RAB7A: variants seen among roughly 807,000 people sequenced by gnomAD.
RAB7A encodes the protein RAB7A, member RAS oncogene family.
In RAB7A, 2 loss-of-function variants were observed where a neutral mutation model predicts 24.5. The ratio of observed to expected loss-of-function variants is 0.08; its 90% CI spans 0.03 to 0.26. The LOEUF is 0.26. RAB7A is among the 10% of genes least tolerant of loss of function. The pLI is 1.00. For missense variants in RAB7A, 118 were observed against 255.7 expected (o/e 0.46, Z 3.67); for synonymous variants, 100 against 95.9 (o/e 1.04, Z -0.25).
intron 3 of RAB7A, among the ~76,000 whole-genome samples, chr3:128,803,175 A>G (rs1294969766): frequency 6.6e-6 from 1 of 152,224 alleles, no homozygotes; most frequent in Non-Finnish European, 1.5e-5. Context: ...CAGAGGATTC[A>G]AGACCTGAAG....
At chr3:128,773,120 G>A (rs1255968155) in intron 1 of RAB7A, among the ~76,000 whole-genome samples, 2 of 151,504 alleles carry the variant, frequency 1.3e-5, no homozygotes, top group Non-Finnish European at 2.9e-5. Context: ...CCTCTTCCCG[G>A]CCGCCATCCC....
intron 5 of RAB7A, 119 bp downstream of exon 5, chr3:128,807,790 T>C: frequency 7.0e-7 from 1 of 1,418,846 alleles, no homozygotes; most frequent in Admixed American, 1.7e-5. Flanking sequence ...ATAGCCAGAA[T>C]ACCCTATGTG....
intron 1 of RAB7A, among the ~76,000 whole-genome samples, chr3:128,750,048 T>C (rs988714454): frequency 6.6e-6 from 1 of 152,142 alleles, no homozygotes; most frequent in Non-Finnish European, 1.5e-5. Context: ...TAGAGACTTG[T>C]TGAATGGCTC....
intron 1 of RAB7A, among the ~76,000 whole-genome samples, chr3:128,787,676 C>T (rs749503931): frequency 3.3e-5 from 5 of 152,136 alleles, no homozygotes; most frequent in Admixed American, 1.3e-4. Flanking sequence ...AAATATTAAA[C>T]GGGAAACTAT....
intron 3 of RAB7A, among the ~76,000 whole-genome samples, chr3:128,803,792 A>C (rs182785965): frequency 1.4e-4 from 21 of 152,250 alleles, no homozygotes; most frequent in Admixed American, 2.6e-4. Context: ...CTTCAGGAGC[A>C]TTTACTTGTG....
intron 1 of RAB7A, among the ~76,000 whole-genome samples, chr3:128,757,440 A>G (rs2070739338): frequency 2.0e-5 from 3 of 152,192 alleles, no homozygotes. Context: ...AAGCAAAGCT[A>G]GAAGTACAGG....
At chr3:128,795,331 C>T (rs1559794618) in intron 1 of RAB7A, 29 bp from the exon 2 acceptor site, 3 of 1,582,424 alleles carry the variant, frequency 1.9e-6, no homozygotes, top group Non-Finnish European at 2.6e-6. Context: ...CCATCACACT[C>T]ACAGTGATTT....
chr3:128,806,139 C>G (rs1427283852), intron 3 of RAB7A, among the ~76,000 whole-genome samples: 1 of 152,168 alleles, frequency 6.6e-6, no homozygotes, highest in Non-Finnish European at 1.5e-5. Context: ...TTCTAGCACC[C>G]TGGAGATTGG....
At chr3:128,765,146 G>A (rs2070817662) in intron 1 of RAB7A, 1 of 701,628 alleles carries the variant, frequency 1.4e-6, no homozygotes, top group East Asian at 2.7e-5. Flanking sequence ...GCCGGGGTGG[G>A]GGACGAGCGC....
chr3:128,741,126 G>A (rs2070549294), intron 1 of RAB7A, among the ~76,000 whole-genome samples: 1 of 150,596 alleles, frequency 6.6e-6, no homozygotes, highest in Non-Finnish European at 1.5e-5. Flanking sequence ...TTTGTGAATT[G>A]GCTTTTGTTC....
intron 1 of RAB7A, among the ~76,000 whole-genome samples, chr3:128,755,355 G>A (rs980523256): frequency 1.3e-5 from 2 of 151,844 alleles, no homozygotes; most frequent in African/African-American, 4.8e-5. Flanking sequence ...TGCCACAAAA[G>A]CAGTGTTAAA....
chr3:128,756,875 G>A (rs987382456), intron 1 of RAB7A, among the ~76,000 whole-genome samples: 2 of 148,162 alleles, frequency 1.3e-5, no homozygotes, highest in Non-Finnish European at 3.0e-5. Flanking sequence ...ACGGAGTTGC[G>A]CTCTGTCACC....
intron 5 of RAB7A, among the ~76,000 whole-genome samples, chr3:128,809,934 G>GTTTTTTTTTTTTTTTTTTTT (rs1231077081): frequency 2.1e-5 from 1 of 47,546 alleles, no homozygotes; most frequent in Non-Finnish European, 4.1e-5. Context: ...TCTTGCCACA[G>GTTTTTTTTTTTTTTTTTTTT]TCTTTTTTTT....
intron 1 of RAB7A, among the ~76,000 whole-genome samples, chr3:128,730,452 T>A (rs1200787909): frequency 1.3e-5 from 2 of 152,102 alleles, no homozygotes; most frequent in African/African-American, 4.8e-5. Context: ...TTGGTCTTGA[T>A]CTCCTGACCT....
intron 1 of RAB7A, among the ~76,000 whole-genome samples, chr3:128,746,743 G>A (rs13081117): frequency 0.1 from 15,058 of 150,292 alleles, 856 homozygotes; most frequent in South Asian, 0.16. Flanking sequence ...GTTAGCCAGG[G>A]TGGTCTCGAT....
intron 1 of RAB7A, among the ~76,000 whole-genome samples, chr3:128,793,085 G>A (rs1317522181): frequency 4.6e-5 from 7 of 151,556 alleles, no homozygotes; most frequent in African/African-American, 1.2e-4. Context: ...GTGCAGTGGC[G>A]CAATCTCGGC....
Position 128,776,945 on chromosome 3 carries a change from T to TACAC in RAB7A, c.-8-18376_-8-18373dup, listed in dbSNP as rs71153145. Among the ~76,000 whole-genome samples, 985 of 142,422 alleles carry TACAC rather than the reference T, an allele frequency of 6.9e-3. 3 individuals are homozygous for TACAC. Among genetic ancestry groups the TACAC allele is most frequent in the Non-Finnish European group, 9.0e-3 (585 of 65,086 alleles). 93.4% of individuals were successfully genotyped at this position (142,422 alleles called of 152,430 possible). A position where few individuals can be genotyped will look rare whatever the true frequency, so the allele number is the denominator to read the frequency against. On this transcript the variant is annotated intron_variant, in intron 1 of 5. Coordinates refer to ENST00000265062, the MANE Select transcript of RAB7A (RefSeq NM_004637.6). Reference sequence around the variant, plus strand: ...GCATTTCCCTGATGATTAGTTGAGCTACACACACACACACACACACACACA... The same window carrying TACAC: ...GCATTTCCCTGATGATTAGTTGAGCTACACACACACACACACACACACACACACA...
At chr3:128,805,549 C>T (rs1190867314) in intron 3 of RAB7A, among the ~76,000 whole-genome samples, 1 of 152,074 alleles carries the variant, frequency 6.6e-6, no homozygotes, top group Non-Finnish European at 1.5e-5. Flanking sequence ...TTCTCATTGT[C>T]TTTCTCTTGA....
chr3:128,773,123 G>A (rs1445047194), intron 1 of RAB7A, among the ~76,000 whole-genome samples: 1 of 151,602 alleles, frequency 6.6e-6, no homozygotes, highest in Non-Finnish European at 1.5e-5. Context: ...CTTCCCGGCC[G>A]CCATCCCATC....
Sources: gnomAD v4.1 joint callset for allele counts (sites outside exome capture counted in the v4.1 genomes callset) on GRCh38, gnomAD v4.1.1 for gene constraint, MANE v1.5 for transcripts, NCBI Gene and HGNC (gene_info 2026-07-23, HGNC 2026-07-21) for gene names.